The following BCL11A variants were observed in gnomAD, a reference collection of about 807,000 sequenced individuals.
The protein encoded by BCL11A is B cell CLL/lymphoma 11A.
A neutral mutation model predicts 55.9 loss-of-function variants in BCL11A; 2 were observed. The observed-to-expected ratio is 0.04, with a 90% confidence interval of 0.01 to 0.11. BCL11A has a LOEUF of 0.11. BCL11A is among the 10% of genes least tolerant of loss of function. The pLI, the probability that BCL11A is intolerant of heterozygous loss-of-function variation, is 1.00. For synonymous variants in BCL11A, 465 were observed against 473.4 expected (o/e 0.98, Z 0.23); for missense variants, 817 against 1,137.1 (o/e 0.72, Z 4.05).
At chr2:60,498,202 G>A (rs1382840190) in intron 2 of BCL11A, among the ~76,000 whole-genome samples, 8 of 151,826 alleles carry the variant, frequency 5.3e-5, no homozygotes, top group Admixed American at 3.9e-4. Flanking sequence ...GGCTCCTTAA[G>A]GTGACCCAGC....
intron 2 of BCL11A, chr2:60,522,881 G>T (rs1336004196): frequency 6.6e-6 from 1 of 152,232 alleles, no homozygotes; most frequent in Admixed American, 6.5e-5. Flanking sequence ...ACAGGTCAAG[G>T]TTCTGCAGGC....
At chr2:60,535,155 C>G (rs957535288) in intron 2 of BCL11A, 20 of 152,308 alleles carry the variant, frequency 1.3e-4, no homozygotes, top group African/African-American at 4.8e-4. Context: ...TCTGCCCACA[C>G]CATGCATATT....
At chr2:60,511,454 T>C (rs1573034006) in intron 2 of BCL11A, among the ~76,000 whole-genome samples, 1 of 152,238 alleles carries the variant, frequency 6.6e-6, no homozygotes, top group Non-Finnish European at 1.5e-5. Flanking sequence ...AAAGATGCTA[T>C]TCATGCAGAC....
chr2:60,532,272 A>C (rs1669490297), intron 2 of BCL11A, among the ~76,000 whole-genome samples: 1 of 150,100 alleles, frequency 6.7e-6, no homozygotes, highest in Admixed American at 6.6e-5. Context: ...CTGGTGGTCT[A>C]TTAATAGTTT....
chr2:60,451,907 T>C (rs2103738404), exon 5 of BCL11A: 1 of 229,264 alleles, frequency 4.4e-6, no homozygotes, highest in East Asian at 6.3e-5. Flanking sequence ...TAAACAGCAA[T>C]ATTACTACTA....
intron 2 of BCL11A, among the ~76,000 whole-genome samples, chr2:60,511,380 G>A (rs965475236): frequency 1.3e-5 from 2 of 152,166 alleles, no homozygotes; most frequent in African/African-American, 4.8e-5. Flanking sequence ...AAAAGAACTC[G>A]CCAATTTGGG....
At chr2:60,516,209 GCA>G (rs1238665547) in intron 2 of BCL11A, among the ~76,000 whole-genome samples, 1 of 152,114 alleles carries the variant, frequency 6.6e-6, no homozygotes, top group Non-Finnish European at 1.5e-5. Context: ...CCTCACCCCA[GCA>G]CACAGAAAAG....
chr2:60,507,738 A>G (rs1558653396), intron 2 of BCL11A, among the ~76,000 whole-genome samples: 1 of 151,706 alleles, frequency 6.6e-6, no homozygotes, highest in African/African-American at 2.4e-5. Flanking sequence ...TCTTCCAAAC[A>G]GCACAAGACA....
Position 60,457,637 on chromosome 2 carries a change from G to C in BCL11A, c.*2767C>G. The C allele has an allele frequency of 9.9e-7, 1 of 1,012,812 alleles. No homozygotes were observed. The highest frequency in any genetic ancestry group is 1.2e-6 in the Non-Finnish European group (1 of 848,812). The allele number at this position is 1,012,812 out of a possible 1,614,324, so 62.7% of individuals were successfully genotyped here. A position where few individuals can be genotyped will look rare whatever the true frequency, so the allele number is the denominator to read the frequency against. ...CAATCTAAATATAAAGCACCATTTA[G>C]TTTTTGGCAATGAAAAAAACTGCAA... On this transcript the variant is annotated 3_prime_UTR_variant, in exon 4 of 4. Transcript: ENST00000642384.
intron 2 of BCL11A, among the ~76,000 whole-genome samples, chr2:60,492,701 A>G (rs1336907334): frequency 6.6e-6 from 1 of 152,128 alleles, no homozygotes; most frequent in East Asian, 1.9e-4. Context: ...TTTCCCTGAA[A>G]TGTACTTTGG....
chr2:60,548,617 T>C lies in BCL11A; in HGVS notation c.56-2317A>G, dbSNP rs559097369. ...AACAAGATGATCAAATGTACAGATA[T>C]AAAACCTGTAACCTCAACATTTTCT... On this transcript the variant is annotated intron_variant, in intron 1 of 3. Coordinates refer to ENST00000642384, the MANE Select transcript of BCL11A (RefSeq NM_022893.4). Among the ~76,000 whole-genome samples the C allele has an allele frequency of 4.7e-4, 72 of 152,334 alleles. No individual in the cohort carries two copies. In the Middle Eastern group the frequency reaches 0.01, roughly 22 times the overall value.
At chr2:60,508,394 C>T (rs1679767080) in intron 2 of BCL11A, among the ~76,000 whole-genome samples, 1 of 152,184 alleles carries the variant, frequency 6.6e-6, no homozygotes, top group Non-Finnish European at 1.5e-5. Context: ...AGCACTGCAG[C>T]CGGGTCCCTG....
Position 60,546,527 on chromosome 2 carries a change from C to G in BCL11A, c.56-227G>C, listed in dbSNP as rs1670167532. ...CAAATCATCACATATGTAAAGAAAACAGTCTTCCTTGCATAACTCCAGAGA... is the reference window on the plus strand; with the variant it reads ...CAAATCATCACATATGTAAAGAAAAGAGTCTTCCTTGCATAACTCCAGAGA... On this transcript the variant is annotated intron_variant, in intron 1 of 3. Coordinates refer to ENST00000642384, the MANE Select transcript of BCL11A (RefSeq NM_022893.4). The surrounding 1 kb of genome is among the most constrained non-coding windows in gnomAD (Gnocchi z 4.1). The G allele has an allele frequency of 1.9e-6, 1 of 538,784 alleles. No homozygotes were observed. Among genetic ancestry groups the G allele is most frequent in the Admixed American group, 3.3e-5 (1 of 30,172 alleles). The allele number at this position is 538,784 out of a possible 1,614,324, so 33.4% of individuals were successfully genotyped here. A position where few individuals can be genotyped will look rare whatever the true frequency, so the allele number is the denominator to read the frequency against.
At chr2:60,521,089 A>T (rs904985934) in intron 2 of BCL11A, among the ~76,000 whole-genome samples, 17 of 80,232 alleles carry the variant, frequency 2.1e-4, no homozygotes, top group East Asian at 1.0e-3. Context: ...ACACACACAC[A>T]CACACACACA....
At chr2:60,455,054 T>C (rs150662985), downstream of BCL11A, among the ~76,000 whole-genome samples, 2 of 152,288 alleles carry the variant, frequency 1.3e-5, no homozygotes, top group African/African-American at 4.8e-5. Flanking sequence ...AAAGAGAGGA[T>C]AGCAAATGGG....
intron 2 of BCL11A, chr2:60,536,332 A>T (rs567740444): frequency 6.6e-6 from 1 of 152,284 alleles, no homozygotes; most frequent in South Asian, 2.1e-4. Context: ...GAAAAATCTC[A>T]GGTACTACCC....
downstream of BCL11A, among the ~76,000 whole-genome samples, chr2:60,453,523 C>T (rs750284262): frequency 6.6e-6 from 1 of 152,230 alleles, no homozygotes; most frequent in Non-Finnish European, 1.5e-5. Flanking sequence ...TGCTCTCACG[C>T]ATCCCACCCC....
rs534491658 is a variant in BCL11A, at chr2:60,458,274, GT to G, written c.*2129del. 0.024 allele frequency: 16,066 copies of G among 658,400 alleles called. 1 individual carries two copies. Among genetic ancestry groups the G allele is most frequent in the East Asian group, 0.044 (493 of 11,206 alleles). The allele number at this position is 658,400 out of a possible 1,614,324, so 40.8% of individuals were successfully genotyped here. On this transcript the variant is annotated 3_prime_UTR_variant, in exon 4 of 4. Coordinates refer to ENST00000642384, the MANE Select transcript of BCL11A (RefSeq NM_022893.4). ...AATCTTAAACCTTTCCCCAATGTAT[GT>G]TTTTTTTTTTTACAACCTGAAGAGC... is the stretch of plus-strand genomic sequence containing the variant.
chr2:60,452,587 G>C (rs2103743351), downstream of BCL11A: 2 of 1,613,538 alleles, frequency 1.2e-6, no homozygotes, highest in Middle Eastern at 3.3e-4. Context: ...AGAACTTAAG[G>C]GCTCTCGAGC....
Sources: gnomAD v4.1 joint callset for allele counts (sites outside exome capture counted in the v4.1 genomes callset) on GRCh38, gnomAD v4.1.1 for gene constraint, Gnocchi (gnomAD v3.1) non-coding constraint, MANE v1.5 for transcripts, NCBI Gene and HGNC (gene_info 2026-07-23, HGNC 2026-07-21) for gene names.